The following WDR27 variants were observed in gnomAD, a reference collection of about 807,000 sequenced individuals.
WDR27 encodes the protein WD repeat domain 27.
Under a neutral mutation model 114.4 loss-of-function variants are expected in WDR27, and 100 were observed. That is an observed-to-expected ratio of 0.87 (90% confidence interval 0.74 to 1.03). The LOEUF is 1.03. Ranked by LOEUF, WDR27 falls within the 50% of genes least tolerant of loss-of-function variation. The pLI, the probability that WDR27 is intolerant of heterozygous loss-of-function variation, is 0.00. For synonymous variants in WDR27, 449 were observed against 423.1 expected (o/e 1.06, Z -0.75); for missense variants, 1,129 against 1,092.9 (o/e 1.03, Z -0.47).
chr6:169,676,388 A>G (rs1780068353), intron 2 of WDR27, among the ~76,000 whole-genome samples: 1 of 152,194 alleles, frequency 6.6e-6, no homozygotes, highest in Non-Finnish European at 1.5e-5. Context: ...ACTCTGGCAT[A>G]ACATCACATG....
chr6:169,564,862 G>GTGAA (rs1249980694), intron 25 of WDR27, among the ~76,000 whole-genome samples: 3 of 151,778 alleles, frequency 2.0e-5, no homozygotes, highest in Non-Finnish European at 4.4e-5. Flanking sequence ...AAACGCGTGA[G>GTGAA]TGAGTGAAGT....
the WDR27 span, among the ~76,000 whole-genome samples, chr6:169,433,251 C>A: frequency 1.3e-5 from 2 of 152,118 alleles, no homozygotes; most frequent in Non-Finnish European, 2.9e-5. Context: ...GCCTCCCACC[C>A]CAAAAGAGGC....
At chr6:169,678,900 A>T (rs1285006817) in intron 2 of WDR27, among the ~76,000 whole-genome samples, 3 of 152,202 alleles carry the variant, frequency 2.0e-5, no homozygotes, top group Non-Finnish European at 4.4e-5. Context: ...GAGATAATCA[A>T]CTAAGAGCCA....
In WDR27 at chr6:169,659,489, C is replaced by G. The variant is rs780559220; in HGVS notation, c.1159G>C (p.Gly387Arg). Residue 387 changes from glycine to arginine, a missense_variant, in exon 11 of 26, where the codon GGA becomes CGA. Gly to Arg is a moderately radical substitution (Grantham distance 125, BLOSUM62 -2). Coordinates refer to ENST00000448612, the MANE Select transcript of WDR27 (RefSeq NM_182552.5). The surrounding 1 kb of genome is among the most constrained non-coding windows in gnomAD (Gnocchi z 4.3). ...DFQSLSILLAGSCALRNRTAD... is the reference protein window; with the variant it reads ...DFQSLSILLARSCALRNRTAD... Reference sequence around the variant, plus strand: ...GTGCGGTTCCTCAGGGCACACGATCCGGCCAGCAGGATGCTGAGGCTCTGG... The same window carrying G: ...GTGCGGTTCCTCAGGGCACACGATCGGGCCAGCAGGATGCTGAGGCTCTGG... 2 of 1,610,392 alleles carry G rather than the reference C, an allele frequency of 1.2e-6. No individual in the cohort carries two copies. Among genetic ancestry groups the G allele is most frequent in the Non-Finnish European group, 1.7e-6 (2 of 1,178,392 alleles).
chr6:169,632,755 T>C (rs1816733181), intron 21 of WDR27, among the ~76,000 whole-genome samples, 192 bp downstream of exon 21: 1 of 152,182 alleles, frequency 6.6e-6, no homozygotes, highest in Non-Finnish European at 1.5e-5. Flanking sequence ...CGTAGAAAAC[T>C]TAACATTCAA....
chr6:169,646,181 C>G (rs4418197), intron 16 of WDR27, among the ~76,000 whole-genome samples: 2,967 of 152,308 alleles, frequency 0.019, 92 homozygotes, highest in African/African-American at 0.066. Flanking sequence ...CTCACATCCT[C>G]TACCCAACAC....
intron 16 of WDR27, among the ~76,000 whole-genome samples, chr6:169,647,027 T>C (rs889587250): frequency 1.1e-4 from 17 of 152,124 alleles, no homozygotes; most frequent in African/African-American, 3.6e-4. Context: ...CCGGCCCAGA[T>C]AGGACTTTGT....
At chr6:169,658,690 T>C (rs1306403765) in intron 12 of WDR27, among the ~76,000 whole-genome samples, 2 of 151,316 alleles carry the variant, frequency 1.3e-5, no homozygotes, top group African/African-American at 4.8e-5. Context: ...AGTTTTCTTT[T>C]TTTTTTTTTT....
chr6:169,524,024 T>G (rs2865097), intron 25 of WDR27, among the ~76,000 whole-genome samples: 1 of 152,002 alleles, frequency 6.6e-6, no homozygotes, highest in Admixed American at 6.6e-5. Flanking sequence ...TGACATGATC[T>G]TGTACTTAGA....
chr6:169,496,249 G>T (rs1317299346), intron 25 of WDR27, among the ~76,000 whole-genome samples: 1 of 151,860 alleles, frequency 6.6e-6, no homozygotes, highest in Non-Finnish European at 1.5e-5. Context: ...AATTCAACAC[G>T]CTTTTATGAT....
intron 20 of WDR27, among the ~76,000 whole-genome samples, chr6:169,633,470 G>A (rs1218014221): frequency 6.6e-6 from 1 of 152,244 alleles, no homozygotes; most frequent in African/African-American, 2.4e-5. Flanking sequence ...CACAGAATGG[G>A]TGACAGCACC....
chr6:169,503,240 C>T (rs977326828), intron 25 of WDR27, among the ~76,000 whole-genome samples: 6 of 152,148 alleles, frequency 3.9e-5, no homozygotes, highest in Non-Finnish European at 7.3e-5. Flanking sequence ...CAGCTTCTGA[C>T]GCTAATTAAC....
chr6:169,555,705 T>C (rs1369983964), intron 25 of WDR27, among the ~76,000 whole-genome samples: 7 of 152,092 alleles, frequency 4.6e-5, no homozygotes, highest in Admixed American at 4.6e-4. Context: ...GGAGAGACAA[T>C]AATTTTCTTC....
rs761666489 is a variant in WDR27, at chr6:169,655,614, C to A, written c.1402+2662G>T. 5.5e-4 allele frequency among the ~76,000 whole-genome samples: 83 copies of A among 152,218 alleles called. 1 individual carries two copies. The highest frequency in any genetic ancestry group is 6.0e-4 in the Non-Finnish European group (41 of 68,030). On this transcript the variant is annotated intron_variant, in intron 13 of 25. Coordinates refer to ENST00000448612, the MANE Select transcript of WDR27 (RefSeq NM_182552.5). ...CCCAGATTAGACATATGAGAAGATT[C>A]ATTGTGATGAAAGACTTCTCGGTGC... is the stretch of plus-strand genomic sequence containing the variant.
At chr6:169,545,384 A>G (rs1164067685) in intron 25 of WDR27, among the ~76,000 whole-genome samples, 1 of 152,192 alleles carries the variant, frequency 6.6e-6, no homozygotes, top group Non-Finnish European at 1.5e-5. Flanking sequence ...GAATCTATAA[A>G]AGGAAAAGTT....
intron 25 of WDR27, among the ~76,000 whole-genome samples, chr6:169,568,878 CT>C (rs1800913164): frequency 6.6e-6 from 1 of 152,174 alleles, no homozygotes; most frequent in South Asian, 2.1e-4. Flanking sequence ...CCCCTCACCC[CT>C]GTGCAACTTC....
chr6:169,439,028 C>T, the WDR27 span, among the ~76,000 whole-genome samples: 1 of 152,022 alleles, frequency 6.6e-6, no homozygotes, highest in Non-Finnish European at 1.5e-5. Context: ...TAACAAACTT[C>T]CCCAAAATCA....
intron 19 of WDR27, among the ~76,000 whole-genome samples, chr6:169,635,835 A>G (rs1562766270): frequency 6.6e-6 from 1 of 152,264 alleles, no homozygotes; most frequent in Admixed American, 6.5e-5. Context: ...CAAAAATACA[A>G]AACTATGACC....
At chr6:169,652,529 G>A (rs1034850210) in intron 13 of WDR27, among the ~76,000 whole-genome samples, 3 of 152,262 alleles carry the variant, frequency 2.0e-5, no homozygotes, top group African/African-American at 4.8e-5. Context: ...TTACAGGCGT[G>A]AGCCACTATG....
Sources: allele counts gnomAD v4.1 joint callset (sites outside exome capture counted in the v4.1 genomes callset), GRCh38; gene constraint gnomAD v4.1.1; non-coding constraint Gnocchi (gnomAD v3.1); transcripts MANE v1.5; gene names NCBI Gene and HGNC (gene_info 2026-07-23, HGNC 2026-07-21).